The following CALN1 variants were observed in gnomAD, a reference collection of about 807,000 sequenced individuals.
The protein encoded by CALN1 is calcium-binding protein 8.
CALN1 carries 17 observed loss-of-function variants against 30.6 expected under a neutral mutation model. The observed-to-expected ratio is 0.56, with a 90% CI of 0.38 to 0.83. The LOEUF is 0.83. Among genes scored for constraint, CALN1 ranks in the 40% least tolerant of loss-of-function variants. CALN1 has a pLI of 0.00. For missense variants in CALN1, 291 were observed against 354.9 expected (o/e 0.82, Z 1.45); for synonymous variants, 156 against 131.4 (o/e 1.19, Z -1.28).
At chr7:71,829,501 T>C (rs1366551397) in intron 5 of CALN1, among the ~76,000 whole-genome samples, 1 of 152,216 alleles carries the variant, frequency 6.6e-6, no homozygotes, top group Non-Finnish European at 1.5e-5. Context: ...AGGGAATGAA[T>C]AGAGATTTAT....
intron 3 of CALN1, among the ~76,000 whole-genome samples, chr7:72,277,023 T>C (rs1351566130): frequency 1.3e-5 from 2 of 151,952 alleles, no homozygotes; most frequent in East Asian, 3.9e-4. Context: ...CTTCCAAGCC[T>C]CCTGAACTGT....
chr7:72,205,552 ATATATATATATATATGT>A lies in CALN1; in HGVS notation c.244+73117_244+73133del, dbSNP rs1312234912. Among the ~76,000 whole-genome samples the A allele has an allele frequency of 3.1e-4, 20 of 64,814 alleles. 2 individuals are homozygous for A. The highest frequency in any genetic ancestry group is 3.7e-3 in the East Asian group (1 of 272). The allele number at this position is 64,814 out of a possible 152,430, so 42.5% of individuals were successfully genotyped here. A position where few individuals can be genotyped will look rare whatever the true frequency, so the allele number is the denominator to read the frequency against. ...TTTTTCTCCTGATTGCAAAAAAAAA[ATATATATATATATATGT>A]ATATATATATATATATATTCAGGAG... is the stretch of plus-strand genomic sequence containing the variant. On this transcript the variant is annotated intron_variant, in intron 3 of 6. Coordinates refer to ENST00000395275, the MANE Select transcript of CALN1 (RefSeq NM_031468.4).
At chr7:72,035,084 T>A (rs1334255397) in intron 4 of CALN1, among the ~76,000 whole-genome samples, 2 of 152,192 alleles carry the variant, frequency 1.3e-5, no homozygotes, top group Non-Finnish European at 2.9e-5. Context: ...CATGTTCTCA[T>A]GACAGCTCCT....
intron 5 of CALN1, among the ~76,000 whole-genome samples, chr7:71,927,542 A>G (rs1418287215): frequency 6.6e-6 from 1 of 151,940 alleles, no homozygotes; most frequent in African/African-American, 2.4e-5. Flanking sequence ...AGTTCTTTGG[A>G]TGGGGTATGT....
rs369099374 is a variant in CALN1 at position 71,918,509 on chromosome 7, C to T, written c.501+105148G>A. ...GTGGGGTATGTAGACTGCTTTCCTA[C>T]TGGGAGAACTGAGGCATGCCAAGGT... On this transcript the variant is annotated intron_variant, in intron 5 of 6. Transcript: ENST00000395275. 5.9e-5 allele frequency among the ~76,000 whole-genome samples: 9 copies of T among 152,302 alleles called. No homozygotes were observed. In the East Asian group the frequency reaches 1.5e-3, roughly 26 times the overall value.
chr7:72,442,050 G>A (rs148843907), intron 1 of CALN1, among the ~76,000 whole-genome samples: 326 of 151,956 alleles, frequency 2.1e-3, no homozygotes, highest in Admixed American at 3.6e-3. Flanking sequence ...AGTCATCCTC[G>A]ACTCATCTCA....
the CALN1 span, among the ~76,000 whole-genome samples, chr7:72,479,780 A>G: frequency 6.6e-6 from 1 of 151,950 alleles, no homozygotes; most frequent in Non-Finnish European, 1.5e-5. Flanking sequence ...GGAACTCCTG[A>G]CCTCGGAAGA....
intron 3 of CALN1, among the ~76,000 whole-genome samples, chr7:72,219,583 C>T (rs1793106622): frequency 6.6e-6 from 1 of 151,992 alleles, no homozygotes; most frequent in Non-Finnish European, 1.5e-5. Flanking sequence ...AGAGGTGCAA[C>T]ATGTAGTACT....
chr7:72,346,970 G>A (rs1411146622), intron 2 of CALN1, among the ~76,000 whole-genome samples: 14 of 152,176 alleles, frequency 9.2e-5, no homozygotes, highest in Non-Finnish European at 1.5e-5. Flanking sequence ...TCCTGCTAAT[G>A]TGTGAGAAGG....
At chr7:72,346,019 TA>T (rs1802623366) in intron 2 of CALN1, among the ~76,000 whole-genome samples, 1 of 152,168 alleles carries the variant, frequency 6.6e-6, no homozygotes, top group Admixed American at 6.5e-5. Context: ...TGGATTTATA[TA>T]AAACAGACAT....
At chr7:72,237,287 G>A (rs1449296824) in intron 3 of CALN1, among the ~76,000 whole-genome samples, 1 of 152,044 alleles carries the variant, frequency 6.6e-6, no homozygotes, top group African/African-American at 2.4e-5. Flanking sequence ...CCTGGCCCTG[G>A]GGAATTCTTA....
chr7:71,824,621 G>A (rs571506850), intron 5 of CALN1, among the ~76,000 whole-genome samples: 11 of 152,178 alleles, frequency 7.2e-5, no homozygotes, highest in African/African-American at 2.2e-4. Context: ...ATTTGTGAGC[G>A]AGTCCAATCT....
chr7:71,991,395 C>T (rs1798944631), intron 5 of CALN1, among the ~76,000 whole-genome samples: 1 of 151,544 alleles, frequency 6.6e-6, no homozygotes, highest in African/African-American at 2.4e-5. Flanking sequence ...GGAGGCAGAG[C>T]TTTCGATGAG....
intron 2 of CALN1, among the ~76,000 whole-genome samples, chr7:72,373,284 G>C (rs754860397): frequency 2.0e-5 from 3 of 152,258 alleles, no homozygotes; most frequent in Middle Eastern, 3.4e-3. Context: ...AATACTATTT[G>C]TGTAATTACA....
intron 3 of CALN1, among the ~76,000 whole-genome samples, chr7:72,205,579 T>TATATATATATATATAC (rs1791812574): frequency 7.7e-6 from 1 of 129,874 alleles, no homozygotes; most frequent in Non-Finnish European, 1.5e-5. Context: ...TATATATATA[T>TATATATATATATATAC]ATATATATTC....
intron 4 of CALN1, among the ~76,000 whole-genome samples, chr7:72,044,291 T>C (rs1024204504): frequency 6.6e-6 from 1 of 152,190 alleles, no homozygotes; most frequent in African/African-American, 2.4e-5. Context: ...AGCCCATTTC[T>C]GGTCATGTTT....
intron 4 of CALN1, among the ~76,000 whole-genome samples, chr7:72,079,037 G>A (rs771446411): frequency 6.6e-6 from 1 of 152,166 alleles, no homozygotes. Flanking sequence ...TGCTTTACTC[G>A]GCTGCTGCAG....
intron 2 of CALN1, among the ~76,000 whole-genome samples, chr7:72,311,658 T>C (rs867111866): frequency 1.4e-5 from 2 of 138,046 alleles, no homozygotes; most frequent in African/African-American, 5.6e-5. Flanking sequence ...GAGATTTTTT[T>C]TTTTTTTTTT....
intron 5 of CALN1, among the ~76,000 whole-genome samples, chr7:71,973,300 C>T (rs1316802588): frequency 6.6e-6 from 1 of 152,108 alleles, no homozygotes; most frequent in Non-Finnish European, 1.5e-5. Flanking sequence ...CTCAGCCTCC[C>T]AAGTAGCTGG....
Sources: gnomAD v4.1 joint callset for allele counts (sites outside exome capture counted in the v4.1 genomes callset) on GRCh38, gnomAD v4.1.1 for gene constraint, MANE v1.5 for transcripts, NCBI Gene and HGNC (gene_info 2026-07-23, HGNC 2026-07-21) for gene names.